The following HCAR3 variants were observed in gnomAD, a reference collection of about 807,000 sequenced individuals.
HCAR3 encodes the protein hydroxycarboxylic acid receptor 3.
For missense variants in HCAR3, 404 were observed against 501.2 expected (o/e 0.81, Z 1.85); for synonymous variants, 167 against 201.0 (o/e 0.83, Z 1.43).
chr12:122,715,374 C>T lies in HCAR3; in HGVS notation c.*200G>A. The T allele has an allele frequency of 1.6e-6, 1 of 607,086 alleles. No homozygotes were observed. The highest frequency in any genetic ancestry group is 2.9e-6 in the Non-Finnish European group (1 of 349,628). 37.6% of individuals were successfully genotyped at this position (607,086 alleles called of 1,614,324 possible). ...GCTCCAACTCTGCTCAGCAGAAACG[C>T]CTACAATTTGCCCATCTTCAGTCCT... On this transcript the variant is annotated 3_prime_UTR_variant, in exon 1 of 1. Coordinates refer to ENST00000528880, the MANE Select transcript of HCAR3 (RefSeq NM_006018.3).
rs770116382 is a variant in HCAR3 at position 122,716,470 on chromosome 12, G to A, written c.268C>T (p.Arg90Cys). ...LPFVMDYYVR[R>C]SDWKFGDIPC... Reference sequence around the variant, plus strand: ...ATGTCCCCAAACTTCCAGTCTGAACGCCGCACATAGTAGTCCATCACGAAC... The same window carrying A: ...ATGTCCCCAAACTTCCAGTCTGAACACCGCACATAGTAGTCCATCACGAAC... Residue 90 changes from arginine to cysteine, a missense_variant, in exon 1 of 1, where the codon CGT becomes TGT. Physicochemically the swap from Arg to Cys is radical, Grantham distance 180. Transcript: ENST00000528880. 8 of 1,613,934 alleles carry A rather than the reference G, an allele frequency of 5.0e-6. No individual in the cohort carries two copies. The highest frequency in any genetic ancestry group is 2.2e-5 in the East Asian group (1 of 44,878).
At position 122,715,401 on chromosome 12, in the gene HCAR3, C is replaced by G; in HGVS notation, c.*173G>C. On this transcript the variant is annotated 3_prime_UTR_variant, in exon 1 of 1. Coordinates refer to ENST00000528880, the MANE Select transcript of HCAR3 (RefSeq NM_006018.3). ...TACAATTTGCCCATCTTCAGTCCTG[C>G]GAGCGTCAGAGATGAAGCAAGTTTC... 1.4e-6 allele frequency: 1 copy of G among 730,108 alleles called. No individual in the cohort carries two copies. The highest frequency in any genetic ancestry group is 2.2e-6 in the Non-Finnish European group (1 of 451,998). 45.2% of individuals were successfully genotyped at this position (730,108 alleles called of 1,614,324 possible). A position where few individuals can be genotyped will look rare whatever the true frequency, so the allele number is the denominator to read the frequency against.
rs1474443418 is a variant in HCAR3, at chr12:122,714,876, T to A, written c.*698A>T. ...GGGCAGAGGCACGTTTCCCTTTTAA[T>A]GGTAAAAGCAAACAGGTGGGAAACA... is the stretch of plus-strand genomic sequence containing the variant. On this transcript the variant is annotated 3_prime_UTR_variant, in exon 1 of 1. Coordinates refer to ENST00000528880, the MANE Select transcript of HCAR3 (RefSeq NM_006018.3). 6.6e-6 allele frequency: 1 copy of A among 150,734 alleles called. No individual in the cohort carries two copies. Among genetic ancestry groups the A allele is most frequent in the Non-Finnish European group, 1.5e-5 (1 of 67,788 alleles). 9.3% of individuals were successfully genotyped at this position (150,734 alleles called of 1,614,324 possible). A position where few individuals can be genotyped will look rare whatever the true frequency, so the allele number is the denominator to read the frequency against.
In HCAR3 at chr12:122,716,323, T is replaced by A. The variant is rs766622000; in HGVS notation, c.415A>T (p.Ile139Phe). The A allele has an allele frequency of 6.2e-7, 1 of 1,613,752 alleles. No individual in the cohort carries two copies. Among genetic ancestry groups the A allele is most frequent in the Non-Finnish European group, 8.5e-7 (1 of 1,179,922 alleles). The change falls in exon 1 of 1, where the codon ATC (isoleucine) becomes TTC (phenylalanine). Residue 139 changes from isoleucine (I) to phenylalanine (F), a missense_variant. Transcript: ENST00000528880. ...VVHPHHALNK[I>F]SNWTAAIISC... ...ATGATGGCTGCTGTCCAATTGGAGA[T>A]CTTGTTCAGGGCGTGGTGGGGATGG...
In HCAR3 at chr12:122,716,466, G is replaced by C. The variant is rs3825147; in HGVS notation, c.272C>G (p.Ser91Ter). Residue 91 changes from serine (S) to a stop codon, truncating the protein, a stop_gained, in exon 1 of 1, where the codon TCA becomes TGA. Transcript: ENST00000528880. LOFTEE classifies it low-confidence loss of function (END_TRUNC). ...AGGGATGTCCCCAAACTTCCAGTCT[G>C]AACGCCGCACATAGTAGTCCATCAC... ...PFVMDYYVRR[S>*]DWKFGDIPCR... 3.1e-6 allele frequency: 5 copies of C among 1,610,700 alleles called. No individual in the cohort carries two copies. Among genetic ancestry groups the C allele is most frequent in the East Asian group, 2.2e-5 (1 of 44,892 alleles).
chr12:122,716,267 G>T lies in HCAR3; in HGVS notation c.471C>A (p.Gly157=). Residue 157 remains glycine (G), a synonymous_variant, in exon 1 of 1, where the codon GGC becomes GGA. Coordinates refer to ENST00000528880, the MANE Select transcript of HCAR3 (RefSeq NM_006018.3). ...TCTTCTTCAGGAGGTGGACTGTTAG[G>T]CCAACAGTGATGCCCCACAGAAGGC... ...ISCLLWGITV[G]LTVHLLKKKL... The T allele has an allele frequency of 6.2e-7, 1 of 1,614,098 alleles. No individual in the cohort carries two copies. The highest frequency in any genetic ancestry group is 8.5e-7 in the Non-Finnish European group (1 of 1,180,014).
At position 122,715,691 on chromosome 12, in the gene HCAR3, G is replaced by A. The variant is rs768127646; in HGVS notation, c.1047C>T (p.Ser349=). The part of the protein sequence containing the change: ...RGAPEALIAN[S]GEPWSPSYLG... ...GATAAGAGGGGCTCCATGGCTCACC[G>A]GAGTTGGCGATTAACGCCTCTGGAG... Residue 349 remains serine, a synonymous_variant, in exon 1 of 1, where the codon TCC becomes TCT. Coordinates refer to ENST00000528880, the MANE Select transcript of HCAR3 (RefSeq NM_006018.3). 112 of 1,613,222 alleles carry A rather than the reference G, an allele frequency of 6.9e-5. No individual in the cohort carries two copies. Among genetic ancestry groups the A allele is most frequent in the Admixed American group, 1.0e-4 (6 of 59,914 alleles).
Position 122,716,270 on chromosome 12 carries a change from A to G in HCAR3, c.468T>C (p.Val156=), listed in dbSNP as rs1041307119. Residue 156 remains valine, a synonymous_variant, in exon 1 of 1, where the codon GTT becomes GTC. Transcript: ENST00000528880. ...TCTTCAGGAGGTGGACTGTTAGGCC[A>G]ACAGTGATGCCCCACAGAAGGCAAG... ...IISCLLWGIT[V]GLTVHLLKKK... is the part of the protein sequence containing the mutation. 1 of 1,614,052 alleles carries G rather than the reference A, an allele frequency of 6.2e-7. No individual in the cohort carries two copies. The highest frequency in any genetic ancestry group is 1.3e-5 in the African/African-American group (1 of 74,922).
rs201835480 is a variant in HCAR3 at position 122,715,690 on chromosome 12, C to A, written c.1048G>T (p.Gly350Cys). Residue 350 changes from glycine to cysteine, a missense_variant, in exon 1 of 1, where the codon GGT (glycine) becomes TGT (cysteine). Transcript: ENST00000528880. ...GAPEALIANS[G>C]EPWSPSYLGP... is the part of the protein sequence containing the mutation. ...AGATAAGAGGGGCTCCATGGCTCAC[C>A]GGAGTTGGCGATTAACGCCTCTGGA... 15 of 1,613,210 alleles carry A rather than the reference C, an allele frequency of 9.3e-6. No homozygotes were observed. The highest frequency in any genetic ancestry group is 1.2e-5 in the Non-Finnish European group (14 of 1,179,688).
Position 122,716,172 on chromosome 12 carries a change from T to C in HCAR3, c.566A>G (p.His189Arg). ...GAACTCCAGGAGGAACATAGCTTCG[T>C]GCCACCGGAAGGTATGGCAGATGCT... The part of the protein sequence containing the change: ...SFSICHTFRW[H>R]EAMFLLEFFL... The change falls in exon 1 of 1, where the codon CAC (histidine) becomes CGC (arginine). Residue 189 changes from histidine (H) to arginine (R), a missense_variant. His to Arg is a conservative substitution (Grantham distance 29). Transcript: ENST00000528880. The C allele has an allele frequency of 6.2e-7, 1 of 1,614,108 alleles. No homozygotes were observed. Among genetic ancestry groups the C allele is most frequent in the Non-Finnish European group, 8.5e-7 (1 of 1,180,010 alleles).
Position 122,716,291 on chromosome 12 carries a change from G to A in HCAR3, c.447C>T (p.Cys149=), listed in dbSNP as rs996923561. Residue 149 remains cysteine (C), a synonymous_variant, in exon 1 of 1, where the codon TGC becomes TGT. Coordinates refer to ENST00000528880, the MANE Select transcript of HCAR3 (RefSeq NM_006018.3). The part of the protein sequence containing the change: ...ISNWTAAIIS[C]LLWGITVGLT... ...GGCCAACAGTGATGCCCCACAGAAG[G>A]CAAGAGATGATGGCTGCTGTCCAAT... The A allele has an allele frequency of 2.5e-6, 4 of 1,614,008 alleles. No homozygotes were observed. The African/African-American group carries it at 5.3e-5, about 22-fold the overall frequency.
At position 122,716,430 on chromosome 12, in the gene HCAR3, A is replaced by G. The variant is rs200377324; in HGVS notation, c.308T>C (p.Val103Ala). 6.2e-7 allele frequency: 1 copy of G among 1,612,514 alleles called. No homozygotes were observed. Among genetic ancestry groups the G allele is most frequent in the South Asian group, 1.1e-5 (1 of 91,032 alleles). The change falls in exon 1 of 1, where the codon GTG (valine) becomes GCG (alanine). Residue 103 changes from valine (V) to alanine (A), a missense_variant. By Grantham distance (64) the Val-to-Ala change is moderately conservative (BLOSUM62 0). Transcript: ENST00000528880. ...GCGGTTCATGGCAAACATGAAGAGC[A>G]CCAGCCGGCAAGGGATGTCCCCAAA... ...WKFGDIPCRL[V>A]LFMFAMNRQG...
chr12:122,715,484 A>G lies in HCAR3; in HGVS notation c.*90T>C. 1.4e-5 allele frequency: 20 copies of G among 1,399,288 alleles called. No homozygotes were observed. Among genetic ancestry groups the G allele is most frequent in the Non-Finnish European group, 1.9e-5 (20 of 1,025,924 alleles). The allele number at this position is 1,399,288 out of a possible 1,614,324, so 86.7% of individuals were successfully genotyped here. Reference sequence around the variant, plus strand: ...AGGATTCCTGCGGTCACACCTTGCAACCAGTCTCCCACTCATCTGCCACAG... The same window carrying G: ...AGGATTCCTGCGGTCACACCTTGCAGCCAGTCTCCCACTCATCTGCCACAG... On this transcript the variant is annotated 3_prime_UTR_variant, in exon 1 of 1. Coordinates refer to ENST00000528880, the MANE Select transcript of HCAR3 (RefSeq NM_006018.3).
rs1403784138 is a variant in HCAR3, at chr12:122,716,478, T to C, written c.260A>G (p.Tyr87Cys). ...AAACTTCCAGTCTGAACGCCGCACA[T>C]AGTAGTCCATCACGAACGGCAGGCA... is the stretch of plus-strand genomic sequence containing the variant. ...IICLPFVMDY[Y>C]VRRSDWKFGD... Residue 87 changes from tyrosine (Y) to cysteine (C), a missense_variant, in exon 1 of 1, where the codon TAT becomes TGT. Tyr to Cys is a radical substitution (Grantham distance 194). Coordinates refer to ENST00000528880, the MANE Select transcript of HCAR3 (RefSeq NM_006018.3). The C allele has an allele frequency of 6.2e-7, 1 of 1,613,740 alleles. No homozygotes were observed. The highest frequency in any genetic ancestry group is 1.7e-5 in the Admixed American group (1 of 59,964).
Position 122,716,619 on chromosome 12 carries a change from A to G in HCAR3, c.119T>C (p.Phe40Ser), listed in dbSNP as rs1877563064. Residue 40 changes from phenylalanine to serine, a missense_variant, in exon 1 of 1, where the codon TTT becomes TCT. Transcript: ENST00000528880. ...LPPVLGLEFI[F>S]GLLGNGLALW... is the part of the protein sequence containing the mutation. ...GGCAAGGCCATTGCCCAGAAGCCCA[A>G]AGATAAACTCCAGCCCCAACACCGG... The G allele has an allele frequency of 6.2e-7, 1 of 1,614,068 alleles. No homozygotes were observed. The highest frequency in any genetic ancestry group is 8.5e-7 in the Non-Finnish European group (1 of 1,180,044).
At position 122,715,757 on chromosome 12, in the gene HCAR3, C is replaced by A; in HGVS notation, c.981G>T (p.Thr327=). 1 of 1,607,800 alleles carries A rather than the reference C, an allele frequency of 6.2e-7. No individual in the cohort carries two copies. The highest frequency in any genetic ancestry group is 8.5e-7 in the Non-Finnish European group (1 of 1,177,380). ...TGGGGTCCCCTGTGAGCTCGACGCT[C>A]GTGCTGCGGTTATTATCTGGCTCAC... ...ITGEPDNNRS[T]SVELTGDPNK... is the part of the protein sequence containing the mutation. Residue 327 remains threonine, a synonymous_variant, in exon 1 of 1, where the codon ACG becomes ACT. Transcript: ENST00000528880.
In HCAR3 at chr12:122,716,730, C is replaced by G. The variant is rs768138411; in HGVS notation, c.8G>C (p.Arg3Pro). 28 of 1,613,388 alleles carry G rather than the reference C, an allele frequency of 1.7e-5. No homozygotes were observed. In the African/African-American group the frequency reaches 3.2e-4, roughly 18 times the overall value. ...CAGAAAGTGATCCTGCAGATGGTGC[C>G]GATTCATGAGTGCAGCTAGTGAGTC... Reference protein sequence around the residue: MNRHHLQDHFLEI... With the variant: MNPHHLQDHFLEI... The change falls in exon 1 of 1, where the codon CGG becomes CCG. Residue 3 changes from arginine (R) to proline (P), a missense_variant. By Grantham distance (103) the Arg-to-Pro change is moderately radical. Coordinates refer to ENST00000528880, the MANE Select transcript of HCAR3 (RefSeq NM_006018.3).
Position 122,715,107 on chromosome 12 carries a change from C to G in HCAR3, c.*467G>C, listed in dbSNP as rs573106622. On this transcript the variant is annotated 3_prime_UTR_variant, in exon 1 of 1. Coordinates refer to ENST00000528880, the MANE Select transcript of HCAR3 (RefSeq NM_006018.3). ...CTAACCAAAGCATGTGAGTCTCTTCCCTGAGTCCATTTCTGCTAAAGATTG... is the reference window on the plus strand; with the variant it reads ...CTAACCAAAGCATGTGAGTCTCTTCGCTGAGTCCATTTCTGCTAAAGATTG... 1.2e-5 allele frequency: 2 copies of G among 166,396 alleles called. No individual in the cohort carries two copies. The highest frequency in any genetic ancestry group is 3.3e-4 in the East Asian group (2 of 5,990). 10.3% of individuals were successfully genotyped at this position (166,396 alleles called of 1,614,324 possible). A position where few individuals can be genotyped will look rare whatever the true frequency, so the allele number is the denominator to read the frequency against.
rs750247424 is a variant in HCAR3, at chr12:122,715,925, C to T, written c.813G>A (p.Ser271=). ...GAGTGATAAAGAACGCCAGGTCCACCGAGCGGTACACTTCACAATTCTGCG... is the reference window on the plus strand; with the variant it reads ...GAGTGATAAAGAACGCCAGGTCCACTGAGCGGTACACTTCACAATTCTGCG... The part of the protein sequence containing the change: ...SGTQNCEVYR[S]VDLAFFITLS... The change falls in exon 1 of 1, where the codon TCG becomes TCA. Residue 271 remains serine (S), a synonymous_variant. Coordinates refer to ENST00000528880, the MANE Select transcript of HCAR3 (RefSeq NM_006018.3). The T allele has an allele frequency of 7.7e-5, 121 of 1,564,180 alleles. No homozygotes were observed. In the Admixed American group the frequency reaches 1.8e-3, roughly 23 times the overall value.
Sources: allele counts gnomAD v4.1 joint callset, GRCh38; gene constraint gnomAD v4.1.1; transcripts MANE v1.5; gene names NCBI Gene and HGNC (gene_info 2026-07-23, HGNC 2026-07-21).